The following TMF1 variants were observed in gnomAD, a reference collection of about 807,000 sequenced individuals.
TMF1 encodes the protein TATA element modulatory factor.
Under a neutral mutation model 126.5 loss-of-function variants are expected in TMF1, and 71 were observed. That is an observed-to-expected ratio of 0.56 (90% CI 0.46 to 0.68). The LOEUF (loss-of-function observed/expected upper bound fraction) is 0.68, where lower values mean the gene tolerates loss of function less well. Among genes scored for constraint, TMF1 ranks in the 30% least tolerant of loss-of-function variants. The pLI is 0.00. For missense variants in TMF1, 1,259 were observed against 1,253.2 expected (o/e 1.00, Z -0.07); for synonymous variants, 461 against 430.5 (o/e 1.07, Z -0.88).
intron 8 of TMF1, chr3:69,035,522 G>A (rs13099820): frequency 0.76 from 120,121 of 157,422 alleles, 45,983 homozygotes; most frequent in Admixed American, 0.83. Context: ...TTTGGAAAAC[G>A]TTATAATATG....
In TMF1 at chr3:69,040,706, G is replaced by C. The variant is rs371748724; in HGVS notation, c.1685-1013C>G. 9.2e-5 allele frequency among the ~76,000 whole-genome samples: 14 copies of C among 152,236 alleles called. 1 individual carries two copies. In the South Asian group the frequency reaches 2.7e-3, roughly 29 times the overall value. On this transcript the variant is annotated intron_variant, in intron 5 of 16. Coordinates refer to ENST00000398559, the MANE Select transcript of TMF1 (RefSeq NM_007114.3). Reference sequence around the variant, plus strand: ...CTTTTGGGAAGCAGGCGGATCACCAGAGGTCAGGAGTTCAAGACCAGCCTG... The same window carrying C: ...CTTTTGGGAAGCAGGCGGATCACCACAGGTCAGGAGTTCAAGACCAGCCTG...
chr3:69,032,572 G>T (rs2091808718), intron 10 of TMF1, among the ~76,000 whole-genome samples: 1 of 151,658 alleles, frequency 6.6e-6, no homozygotes, highest in Admixed American at 6.6e-5. Flanking sequence ...ATCACAGAAG[G>T]GCAACCTGGG....
At position 69,047,341 on chromosome 3, in the gene TMF1, C is replaced by A. The variant is rs756556496; in HGVS notation, c.1347+17G>T. On this transcript the variant is annotated intron_variant, in intron 2 of 16. Transcript: ENST00000398559. ...CAAAAAGCACATCTAAAAATCCCTTCCACTTACTAGAGTTACCTTGCAAAC... is the reference window on the plus strand; with the variant it reads ...CAAAAAGCACATCTAAAAATCCCTTACACTTACTAGAGTTACCTTGCAAAC... 1.3e-6 allele frequency: 2 copies of A among 1,537,962 alleles called. No individual in the cohort carries two copies. The highest frequency in any genetic ancestry group is 2.5e-5 in the South Asian group (2 of 79,856).
chr3:69,048,548 CAG>C lies in TMF1; in HGVS notation c.155_156del (p.Pro52ArgfsTer17). On this transcript the variant is annotated frameshift_variant, in exon 2 of 17. Coordinates refer to ENST00000398559, the MANE Select transcript of TMF1 (RefSeq NM_007114.3). LOFTEE classifies it high-confidence loss of function. ...GTTGAAGTATCCCATCCTCCACTGACAGGGGAACTTATTCCTTTAACAAAAAA... is the reference window on the plus strand; with the variant it reads ...GTTGAAGTATCCCATCCTCCACTGACGGGAACTTATTCCTTTAACAAAAAA... Reference protein sequence around the residue: ...IPYGEPGISSPVSGGWDTSTW... With the variant: ...IPYGEPGISSXVSGGWDTSTW... The C allele has an allele frequency of 6.3e-7, 1 of 1,592,408 alleles. No homozygotes were observed. Among genetic ancestry groups the C allele is most frequent in the Non-Finnish European group, 8.5e-7 (1 of 1,170,486 alleles).
intron 3 of TMF1, among the ~76,000 whole-genome samples, chr3:69,044,248 T>C (rs1354797979): frequency 6.6e-6 from 1 of 152,136 alleles, no homozygotes; most frequent in Non-Finnish European, 1.5e-5. Flanking sequence ...AAATCTCTAA[T>C]ACTAAAAGAC....
intron 1 of TMF1, among the ~76,000 whole-genome samples, chr3:69,049,509 A>T (rs1175705041): frequency 6.6e-6 from 1 of 152,232 alleles, no homozygotes; most frequent in Non-Finnish European, 1.5e-5. Context: ...TCACAGGCTG[A>T]TTCTCTAAAT....
intron 9 of TMF1, 126 bp downstream of exon 9, chr3:69,034,897 T>C: frequency 1.2e-6 from 1 of 813,646 alleles, no homozygotes; most frequent in Non-Finnish European, 2.0e-6. Context: ...GCCACAAAAA[T>C]TCAGCAAATG....
chr3:69,021,965 T>C lies in TMF1; in HGVS notation c.*1212A>G, dbSNP rs1444525560. On this transcript the variant is annotated 3_prime_UTR_variant, in exon 17 of 17. Coordinates refer to ENST00000398559, the MANE Select transcript of TMF1 (RefSeq NM_007114.3). The stretch of plus-strand genomic sequence containing the variant: ...TCCCAAAGTGCTGGGATTACAGGCA[T>C]GAGCCACAGCACCTGGCCGTAAATG... 6.6e-6 allele frequency: 1 copy of C among 152,494 alleles called. No homozygotes were observed. Among genetic ancestry groups the C allele is most frequent in the African/African-American group, 2.4e-5 (1 of 41,470 alleles). 9.4% of individuals were successfully genotyped at this position (152,494 alleles called of 1,614,324 possible).
At chr3:69,026,170 A>G in intron 13 of TMF1, 73 bp from the exon 14 acceptor site, 1 of 932,090 alleles carries the variant, frequency 1.1e-6, no homozygotes, top group Non-Finnish European at 1.7e-6. Flanking sequence ...AACATTTCCT[A>G]GGGTTAATGA....
chr3:69,042,517 C>G lies in TMF1; in HGVS notation c.1684+290G>C, dbSNP rs982704456. 1.7e-5 allele frequency: 9 copies of G among 532,816 alleles called. No homozygotes were observed. The Middle Eastern group carries it at 1.7e-3, about 103-fold the overall frequency. 33.0% of individuals were successfully genotyped at this position (532,816 alleles called of 1,614,324 possible). On this transcript the variant is annotated intron_variant, in intron 5 of 16. Coordinates refer to ENST00000398559, the MANE Select transcript of TMF1 (RefSeq NM_007114.3). ...ACTTTGAATGTCTTGGTTTAAATGACAGGCTCTTAAGACCTGTTTAAAGTT... is the reference window on the plus strand; with the variant it reads ...ACTTTGAATGTCTTGGTTTAAATGAGAGGCTCTTAAGACCTGTTTAAAGTT...
intron 1 of TMF1, among the ~76,000 whole-genome samples, chr3:69,049,360 C>G (rs564664589): frequency 2.6e-5 from 4 of 152,232 alleles, no homozygotes; most frequent in African/African-American, 9.6e-5. Flanking sequence ...GGTGACAGAT[C>G]GAGAACCTGT....
At chr3:69,028,603 TC>T (rs2107456395) in intron 11 of TMF1, among the ~76,000 whole-genome samples, 1 of 152,376 alleles carries the variant, frequency 6.6e-6, no homozygotes, top group South Asian at 2.1e-4. Flanking sequence ...ATGCTCAGAT[TC>T]CACAAAGCTT....
intron 5 of TMF1, among the ~76,000 whole-genome samples, chr3:69,041,093 T>C (rs191783197): frequency 6.6e-6 from 1 of 152,298 alleles, no homozygotes; most frequent in African/African-American, 2.4e-5. Context: ...GACAAAATTA[T>C]TAAATTACAA....
At chr3:69,039,085 A>T in intron 6 of TMF1, 76 bp from the exon 7 acceptor site, 1 of 1,125,374 alleles carries the variant, frequency 8.9e-7, no homozygotes, top group Non-Finnish European at 1.2e-6. Context: ...CCAGGAATCT[A>T]TAATAATGGA....
chr3:69,052,143 T>C lies in TMF1; in HGVS notation c.-57A>G. ...GCACCAAGCGGGAAGGCCTCAGGCC[T>C]GGGGAAGGGTGCAGAGGAACGGCTT... On this transcript the variant is annotated 5_prime_UTR_variant, in exon 1 of 17. Transcript: ENST00000398559. The C allele has an allele frequency of 6.4e-7, 1 of 1,559,396 alleles. No homozygotes were observed. The highest frequency in any genetic ancestry group is 8.6e-7 in the Non-Finnish European group (1 of 1,157,096).
rs532404495 is a variant in TMF1, at chr3:69,033,565, T to G, written c.2384A>C (p.Asn795Thr). The G allele has an allele frequency of 2.5e-6, 4 of 1,613,072 alleles. No individual in the cohort carries two copies. The highest frequency in any genetic ancestry group is 2.7e-5 in the African/African-American group (2 of 74,966). ...QTSSWEKLEK[N>T]LSDRLGESQT... ...GCAGTTACCAAGCCTATCAGAAAGA[T>G]TCTTCTCTAATTTCTCCCACGACGA... Residue 795 changes from asparagine to threonine, a missense_variant, in exon 10 of 17, where the codon AAT (asparagine) becomes ACT (threonine). Transcript: ENST00000398559.
Position 69,025,560 on chromosome 3 carries a change from C to T in TMF1, c.3012G>A (p.Gln1004=). The change falls in exon 15 of 17, where the codon CAG becomes CAA. Residue 1004 remains glutamine (Q), a splice_region_variant and synonymous_variant. Transcript: ENST00000398559. ...ATAGCAAATTTAATTTTTCCAATAC[C>T]TGTAAATGAGTGATTTCCCCTTCCC... ...KLREGEITHL[Q]LEIGNLEKTR... The T allele has an allele frequency of 8.1e-6, 13 of 1,609,932 alleles. No homozygotes were observed. Among genetic ancestry groups the T allele is most frequent in the Non-Finnish European group, 1.1e-5 (13 of 1,178,454 alleles).
intron 6 of TMF1, 69 bp from the exon 7 acceptor site, chr3:69,039,078 G>A (rs2091849077): frequency 8.4e-7 from 1 of 1,188,730 alleles, no homozygotes; most frequent in Admixed American, 2.7e-5. Context: ...CTGTATTCCA[G>A]GAATCTATAA....
At chr3:69,050,735 A>C (rs1317807300) in intron 1 of TMF1, among the ~76,000 whole-genome samples, 1 of 152,216 alleles carries the variant, frequency 6.6e-6, no homozygotes, top group East Asian at 1.9e-4. Flanking sequence ...ACATGGACCA[A>C]AATATCTTAA....
Sources: allele counts gnomAD v4.1 joint callset (sites outside exome capture counted in the v4.1 genomes callset), GRCh38; gene constraint gnomAD v4.1.1; transcripts MANE v1.5; gene names NCBI Gene and HGNC (gene_info 2026-07-23, HGNC 2026-07-21).